The following SPTLC3 variants were observed in gnomAD, a reference collection of about 807,000 sequenced individuals.
The protein encoded by SPTLC3 is serine palmitoyltransferase long chain base subunit 3, also known as serine palmitoyltransferase 3.
Under a neutral mutation model 59.3 loss-of-function variants are expected in SPTLC3, and 36 were observed. The observed-to-expected ratio is 0.61, with a 90% CI of 0.47 to 0.80. The LOEUF (loss-of-function observed/expected upper bound fraction) is 0.80. Among genes scored for constraint, SPTLC3 ranks in the 30% least tolerant of loss-of-function variants. The pLI is 0.00. For synonymous variants in SPTLC3, 257 were observed against 240.8 expected (o/e 1.07, Z -0.62); for missense variants, 625 against 685.1 (o/e 0.91, Z 0.98).
intron 1 of SPTLC3, among the ~76,000 whole-genome samples, chr20:13,023,304 T>C (rs887252876): frequency 1.4e-5 from 2 of 148,146 alleles, no homozygotes; most frequent in African/African-American, 5.0e-5. Flanking sequence ...CACATATACC[T>C]ACACACATAA....
intron 7 of SPTLC3, among the ~76,000 whole-genome samples, chr20:13,114,067 G>T (rs1006323933): frequency 6.6e-6 from 1 of 152,182 alleles, no homozygotes; most frequent in Non-Finnish European, 1.5e-5. Flanking sequence ...TGGCCCTGAT[G>T]GGACAAAGGC....
chr20:13,157,587 C>A (rs1184727033), intron 10 of SPTLC3, among the ~76,000 whole-genome samples: 1 of 151,966 alleles, frequency 6.6e-6, no homozygotes, highest in Non-Finnish European at 1.5e-5. Flanking sequence ...AAATGCACAT[C>A]TCATTAAAGC....
intron 1 of SPTLC3, among the ~76,000 whole-genome samples, chr20:13,018,349 C>T (rs1807580291): frequency 6.6e-6 from 1 of 152,138 alleles, no homozygotes; most frequent in South Asian, 2.1e-4. Flanking sequence ...CATGAATTTG[C>T]TATTAATCAT....
intron 10 of SPTLC3, among the ~76,000 whole-genome samples, chr20:13,155,651 C>T (rs1470053157): frequency 1.3e-5 from 2 of 151,934 alleles, no homozygotes; most frequent in Non-Finnish European, 2.9e-5. Context: ...ATGGTGAAAC[C>T]CCGTGTCTAC....
chr20:13,090,723 G>C (rs1989182561), intron 4 of SPTLC3, among the ~76,000 whole-genome samples: 1 of 152,128 alleles, frequency 6.6e-6, no homozygotes, highest in African/African-American at 2.4e-5. Flanking sequence ...CTGCAGATCT[G>C]TTTTGTCTGG....
At chr20:13,054,456 A>C (rs1038998530) in intron 2 of SPTLC3, among the ~76,000 whole-genome samples, 5 of 152,242 alleles carry the variant, frequency 3.3e-5, no homozygotes, top group Admixed American at 6.5e-5. Flanking sequence ...ACAGGTTTAA[A>C]AAAATCTAGG....
chr20:13,074,802 G>A (rs575118907), intron 4 of SPTLC3, among the ~76,000 whole-genome samples: 1 of 152,064 alleles, frequency 6.6e-6, no homozygotes, highest in Admixed American at 6.5e-5. Context: ...TTTTCTTAAC[G>A]ATGTTCATCA....
chr20:13,099,779 C>A (rs1197483293), intron 6 of SPTLC3, among the ~76,000 whole-genome samples: 1 of 152,198 alleles, frequency 6.6e-6, no homozygotes, highest in Non-Finnish European at 1.5e-5. Flanking sequence ...CTTTAGTATG[C>A]AGTGATGTCT....
intron 9 of SPTLC3, among the ~76,000 whole-genome samples, chr20:13,133,782 G>A (rs555691288): frequency 2.6e-5 from 4 of 152,226 alleles, no homozygotes; most frequent in Admixed American, 2.0e-4. Context: ...TACAGGGATG[G>A]TCCAGTGATT....
intron 1 of SPTLC3, among the ~76,000 whole-genome samples, chr20:13,025,971 A>T (rs1986121566): frequency 6.6e-6 from 1 of 152,062 alleles, no homozygotes; most frequent in Admixed American, 6.6e-5. Flanking sequence ...TTCTGAGAAC[A>T]TATGGTATTT....
intron 1 of SPTLC3, among the ~76,000 whole-genome samples, chr20:13,032,865 A>G (rs1366771763): frequency 2.0e-5 from 3 of 152,168 alleles, no homozygotes; most frequent in South Asian, 4.1e-4. Flanking sequence ...GGGAAATTAA[A>G]TTAACCTCTT....
At chr20:13,147,027 T>C (rs2038528530) in intron 9 of SPTLC3, among the ~76,000 whole-genome samples, 1 of 152,182 alleles carries the variant, frequency 6.6e-6, no homozygotes, top group Non-Finnish European at 1.5e-5. Flanking sequence ...GGGGATTAAA[T>C]AGCTAACAGT....
In SPTLC3 at chr20:13,165,031, T is replaced by G; in HGVS notation, c.*164T>G. 1.7e-6 allele frequency: 1 copy of G among 580,604 alleles called. No individual in the cohort carries two copies. Among genetic ancestry groups the G allele is most frequent in the Non-Finnish European group, 3.0e-6 (1 of 329,684 alleles). The allele number at this position is 580,604 out of a possible 1,614,324, so 36.0% of individuals were successfully genotyped here. A position where few individuals can be genotyped will look rare whatever the true frequency, so the allele number is the denominator to read the frequency against. On this transcript the variant is annotated 3_prime_UTR_variant, in exon 12 of 12. Transcript: ENST00000399002. The stretch of plus-strand genomic sequence containing the variant: ...CGTTGTTGTTTTTAATGTCTCCAGC[T>G]TGGACTGCAGAGACAAAAACATGAT...
intron 6 of SPTLC3, among the ~76,000 whole-genome samples, chr20:13,102,198 A>G (rs1989623952): frequency 6.6e-6 from 1 of 152,188 alleles, no homozygotes; most frequent in Non-Finnish European, 1.5e-5. Flanking sequence ...TTTGCAAGCC[A>G]TGATCTTTTA....
intron 9 of SPTLC3, among the ~76,000 whole-genome samples, chr20:13,139,818 T>A (rs2038339255): frequency 6.6e-6 from 1 of 152,206 alleles, no homozygotes; most frequent in South Asian, 2.1e-4. Context: ...AAATAAACTC[T>A]TGACCCGGAA....
In SPTLC3 at chr20:13,165,105, C is replaced by T; in HGVS notation, c.*238C>T. 2 of 441,224 alleles carry T rather than the reference C, an allele frequency of 4.5e-6. No individual in the cohort carries two copies. Among genetic ancestry groups the T allele is most frequent in the East Asian group, 3.9e-5 (1 of 25,392 alleles). 27.3% of individuals were successfully genotyped at this position (441,224 alleles called of 1,614,324 possible). On this transcript the variant is annotated 3_prime_UTR_variant, in exon 12 of 12. Coordinates refer to ENST00000399002, the MANE Select transcript of SPTLC3 (RefSeq NM_018327.4). ...CCAAGTATTCTACTAGAAATACACA[C>T]ACACACACACACACACTTCTGAGAA... is the stretch of plus-strand genomic sequence containing the variant.
chr20:13,143,088 G>C (rs1451414953), intron 9 of SPTLC3, among the ~76,000 whole-genome samples: 1 of 152,168 alleles, frequency 6.6e-6, no homozygotes, highest in East Asian at 1.9e-4. Context: ...GCTTCAACTT[G>C]AGCACTGAGA....
intron 2 of SPTLC3, 101 bp from the exon 3 acceptor site, chr20:13,072,155 G>C: frequency 7.6e-7 from 1 of 1,320,040 alleles, no homozygotes; most frequent in Admixed American, 2.3e-5. Context: ...CTGTAGATGT[G>C]TTATTTCCAC....
At chr20:13,097,082 C>A (rs556607533) in intron 6 of SPTLC3, among the ~76,000 whole-genome samples, 4 of 152,166 alleles carry the variant, frequency 2.6e-5, no homozygotes, top group South Asian at 2.1e-4. Context: ...ACTATTATTA[C>A]CCTCGTCATT....
Sources: gnomAD v4.1 joint callset for allele counts (sites outside exome capture counted in the v4.1 genomes callset) on GRCh38, gnomAD v4.1.1 for gene constraint, MANE v1.5 for transcripts, NCBI Gene and HGNC (gene_info 2026-07-23, HGNC 2026-07-21) for gene names.